Variants in CSMD1 observed in about 807,000 individuals in gnomAD.
The protein encoded by CSMD1 is CUB and Sushi multiple domains 1.
In CSMD1, 213 loss-of-function variants were observed where a neutral mutation model predicts 417.5. The ratio of observed to expected loss-of-function variants is 0.51; its 90% CI spans 0.46 to 0.57. The LOEUF is 0.57. Ranked by LOEUF, CSMD1 falls within the 20% of genes least tolerant of loss-of-function variation. The pLI is 0.00. For missense variants in CSMD1, 6,923 were observed against 4,529.7 expected, an observed-to-expected ratio of 1.53 and a Z score of -15.17; for synonymous variants, 2,862 against 1,736.8, an observed-to-expected ratio of 1.65 and a Z score of -16.11.
chr8:4,464,169 A>C (rs981556262), intron 2 of CSMD1, among the ~76,000 whole-genome samples: 1 of 152,228 alleles, frequency 6.6e-6, no homozygotes, highest in South Asian at 2.1e-4. Context: ...CTTCCTCTCT[A>C]CTTCACTTAC....
intron 3 of CSMD1, among the ~76,000 whole-genome samples, chr8:4,145,739 C>G (rs1480933761): frequency 1.3e-5 from 2 of 150,990 alleles, no homozygotes; most frequent in Non-Finnish European, 2.9e-5. Context: ...TCCCAAGGAA[C>G]CAAAGTCAAC....
intron 38 of CSMD1, among the ~76,000 whole-genome samples, chr8:3,161,161 C>G (rs1819868436): frequency 6.6e-6 from 1 of 152,068 alleles, no homozygotes; most frequent in Admixed American, 6.5e-5. Context: ...ATTTTTATTG[C>G]TGGCAGAGAG....
chr8:4,469,171 T>C lies in CSMD1; in HGVS notation c.303-49106A>G, dbSNP rs777496332. 5.3e-5 allele frequency among the ~76,000 whole-genome samples: 8 copies of C among 152,166 alleles called. No homozygotes were observed. The South Asian group carries it at 1.2e-3, about 24-fold the overall frequency. ...AAGGCACTACTTACTTAAAGACAAATACACATCAGTGGCAGGGACCTAGAA... is the reference window on the plus strand; with the variant it reads ...AAGGCACTACTTACTTAAAGACAAACACACATCAGTGGCAGGGACCTAGAA... On this transcript the variant is annotated intron_variant, in intron 2 of 69. Coordinates refer to ENST00000635120, the MANE Select transcript of CSMD1 (RefSeq NM_033225.6).
intron 3 of CSMD1, among the ~76,000 whole-genome samples, chr8:4,041,194 T>C (rs1446113502): frequency 6.6e-6 from 1 of 151,862 alleles, no homozygotes. Flanking sequence ...TTTTTTTGTA[T>C]TTTTGGTAGA....
chr8:4,453,474 C>A (rs1012315023), intron 2 of CSMD1, among the ~76,000 whole-genome samples: 1 of 152,196 alleles, frequency 6.6e-6, no homozygotes, highest in African/African-American at 2.4e-5. Context: ...GATGCGAAGT[C>A]TGGCTGAATT....
chr8:3,580,277 G>C (rs1800326692), intron 9 of CSMD1, among the ~76,000 whole-genome samples: 1 of 152,130 alleles, frequency 6.6e-6, no homozygotes, highest in Non-Finnish European at 1.5e-5. Flanking sequence ...TTGAAGAAAG[G>C]CAGATAAAAG....
chr8:4,895,485 C>A (rs1394109971), intron 1 of CSMD1, among the ~76,000 whole-genome samples: 3 of 152,084 alleles, frequency 2.0e-5, no homozygotes, highest in Admixed American at 2.0e-4. Context: ...TTGTCTAGTA[C>A]ATGTTTTCTT....
intron 2 of CSMD1, among the ~76,000 whole-genome samples, chr8:4,498,514 T>A (rs545298398): frequency 1.3e-5 from 2 of 152,214 alleles, no homozygotes; most frequent in African/African-American, 4.8e-5. Context: ...ATCACTAAAT[T>A]AAATTGAATT....
chr8:3,043,389 A>C (rs911326621), intron 50 of CSMD1, among the ~76,000 whole-genome samples: 12 of 152,132 alleles, frequency 7.9e-5, no homozygotes, highest in Admixed American at 7.2e-4. Flanking sequence ...CTATAGCGAT[A>C]GGTTTCTATG....
At chr8:4,384,439 A>C (rs1188662791) in intron 3 of CSMD1, among the ~76,000 whole-genome samples, 2 of 152,250 alleles carry the variant, frequency 1.3e-5, no homozygotes, top group East Asian at 3.9e-4. Context: ...CATTCTAAAC[A>C]CTTGCTGGTT....
intron 1 of CSMD1, among the ~76,000 whole-genome samples, chr8:4,905,876 AATT>A (rs33922721): frequency 0.25 from 38,172 of 149,958 alleles, 5,453 homozygotes; most frequent in East Asian, 0.6. Context: ...CTATCCTTAA[AATT>A]ATTATTCTCA....
At chr8:4,430,644 G>A (rs990061971) in intron 2 of CSMD1, among the ~76,000 whole-genome samples, 1 of 151,748 alleles carries the variant, frequency 6.6e-6, no homozygotes, top group African/African-American at 2.4e-5. Flanking sequence ...TTTAATCAAT[G>A]CACCAAGTTA....
At chr8:4,407,181 T>G (rs1311664487) in intron 3 of CSMD1, among the ~76,000 whole-genome samples, 2 of 152,198 alleles carry the variant, frequency 1.3e-5, no homozygotes, top group African/African-American at 4.8e-5. Flanking sequence ...CCAAAGAAGT[T>G]TGCCAGTCCT....
intron 7 of CSMD1, among the ~76,000 whole-genome samples, chr8:3,644,071 G>A (rs181169603): frequency 1.3e-5 from 2 of 152,272 alleles, no homozygotes; most frequent in South Asian, 2.1e-4. Flanking sequence ...TTATCTTTAA[G>A]AAAGTGCTCC....
chr8:4,201,684 T>G (rs1043824308), intron 3 of CSMD1, among the ~76,000 whole-genome samples: 17 of 151,972 alleles, frequency 1.1e-4, no homozygotes, highest in African/African-American at 3.4e-4. Flanking sequence ...TACTCAAGTG[T>G]TATACCTATG....
intron 11 of CSMD1, among the ~76,000 whole-genome samples, chr8:3,480,563 G>A (rs73174878): frequency 0.22 from 33,482 of 151,862 alleles, 4,624 homozygotes; most frequent in Middle Eastern, 0.3. Context: ...GGCAAAACAC[G>A]TGAATTTATA....
At chr8:3,402,517 C>T (rs567057724) in intron 15 of CSMD1, among the ~76,000 whole-genome samples, 200 of 152,160 alleles carry the variant, frequency 1.3e-3, no homozygotes, top group African/African-American at 4.4e-3. Flanking sequence ...ACCTTTTGCC[C>T]GGAGGCCATA....
intron 2 of CSMD1, among the ~76,000 whole-genome samples, chr8:4,539,520 C>T (rs1358117): frequency 0.032 from 4,873 of 152,208 alleles, 117 homozygotes; most frequent in Non-Finnish European, 0.046. Flanking sequence ...ATTTCATTAG[C>T]CTTACAGAAT....
intron 51 of CSMD1, among the ~76,000 whole-genome samples, chr8:3,022,091 C>T (rs1487446871): frequency 6.7e-6 from 1 of 148,400 alleles, no homozygotes; most frequent in African/African-American, 2.5e-5. Context: ...CGGAATACAC[C>T]CGCAATCCCA....
Sources: gnomAD v4.1 joint callset for allele counts (sites outside exome capture counted in the v4.1 genomes callset) on GRCh38, gnomAD v4.1.1 for gene constraint, MANE v1.5 for transcripts, NCBI Gene and HGNC (gene_info 2026-07-23, HGNC 2026-07-21) for gene names.